The following THSD7A variants were observed in gnomAD, a reference collection of about 807,000 sequenced individuals.
The protein encoded by THSD7A is thrombospondin type 1 domain containing 7A.
Under a neutral mutation model 231.3 loss-of-function variants are expected in THSD7A, and 96 were observed. The ratio of observed to expected loss-of-function variants is 0.41; its 90% CI spans 0.35 to 0.49. The LOEUF (loss-of-function observed/expected upper bound fraction) is 0.49. Among genes scored for constraint, THSD7A ranks in the 20% least tolerant of loss-of-function variants. The pLI is 0.05. For synonymous variants in THSD7A, 940 were observed against 743.3 expected (o/e 1.26, Z -4.30); for missense variants, 2,290 against 2,070.2 (o/e 1.11, Z -2.06).
At chr7:11,499,035 G>A (rs754636638) in intron 6 of THSD7A, among the ~76,000 whole-genome samples, 1 of 152,160 alleles carries the variant, frequency 6.6e-6, no homozygotes, top group African/African-American at 2.4e-5. Context: ...GCCTCCAGGG[G>A]CAAATGAAAG....
rs374390277 is a variant in THSD7A, at chr7:11,541,572, C to T, written c.1669G>A (p.Gly557Arg). 296 of 1,613,956 alleles carry T rather than the reference C, an allele frequency of 1.8e-4. No individual in the cohort carries two copies. In the African/African-American group the frequency reaches 1.9e-3, roughly 10 times the overall value. ...GCTTCCAGTAAGTGAGGGCAGTTTCCGGTTACCCCAGAGCCTCCAGTGGGC... is the reference window on the plus strand; with the variant it reads ...GCTTCCAGTAAGTGAGGGCAGTTTCTGGTTACCCCAGAGCCTCCAGTGGGC... ...NEPTGGSGVT[G>R]NCPHLLEAIP... is the part of the protein sequence containing the mutation. The change falls in exon 6 of 28, where the codon GGA (glycine) becomes AGA (arginine). Residue 557 changes from glycine to arginine, a missense_variant. Physicochemically the swap from Gly to Arg is moderately radical, Grantham distance 125. Transcript: ENST00000423059.
In THSD7A at chr7:11,474,717, G is replaced by C. The variant is rs1786085776; in HGVS notation, c.2018-149C>G. On this transcript the variant is annotated intron_variant, in intron 7 of 27. Coordinates refer to ENST00000423059, the MANE Select transcript of THSD7A (RefSeq NM_015204.3). This position sits in a 1 kb window ranked among gnomAD's most constrained non-coding sequence, Gnocchi z 4.1. ...ATAAATACACGCAATATTTATGTGA[G>C]ATGCTTCAAGGGATACCTACAGGGG... 1 of 630,894 alleles carries C rather than the reference G, an allele frequency of 1.6e-6. No homozygotes were observed. Among genetic ancestry groups the C allele is most frequent in the Admixed American group, 3.1e-5 (1 of 32,300 alleles). 39.1% of individuals were successfully genotyped at this position (630,894 alleles called of 1,614,324 possible).
At chr7:11,626,084 C>G (rs1237420187) in intron 2 of THSD7A, among the ~76,000 whole-genome samples, 3 of 152,078 alleles carry the variant, frequency 2.0e-5, no homozygotes, top group Non-Finnish European at 2.9e-5. Flanking sequence ...TAGGCAGTGA[C>G]ATATATTATC....
intron 1 of THSD7A, among the ~76,000 whole-genome samples, chr7:11,783,242 G>A (rs535174534): frequency 1.2e-4 from 18 of 152,242 alleles, no homozygotes; most frequent in African/African-American, 4.3e-4. Flanking sequence ...AAAAATCATA[G>A]CGTAGCTAAC....
intron 1 of THSD7A, among the ~76,000 whole-genome samples, chr7:11,790,826 A>G (rs2128177913): frequency 6.6e-6 from 1 of 152,138 alleles, no homozygotes; most frequent in Admixed American, 6.6e-5. Context: ...TAGTGAGGCA[A>G]CAGGTTATTT....
chr7:11,686,377 A>G (rs1220796126), intron 1 of THSD7A, among the ~76,000 whole-genome samples: 3 of 151,926 alleles, frequency 2.0e-5, no homozygotes, highest in Non-Finnish European at 4.4e-5. Context: ...AACATAAAAT[A>G]ATGCTATTTA....
intron 1 of THSD7A, among the ~76,000 whole-genome samples, chr7:11,639,478 A>G (rs113046432): frequency 0.15 from 22,494 of 151,862 alleles, 1,772 homozygotes; most frequent in Admixed American, 0.2. Flanking sequence ...GACCATCCTG[A>G]CTAACACAGT....
intron 6 of THSD7A, among the ~76,000 whole-genome samples, chr7:11,525,074 C>A (rs539191881): frequency 2.6e-5 from 4 of 152,184 alleles, no homozygotes; most frequent in African/African-American, 9.6e-5. Flanking sequence ...TTCTATTGAC[C>A]AAAGCTACAT....
At chr7:11,557,750 TG>T (rs1384378607) in intron 4 of THSD7A, among the ~76,000 whole-genome samples, 1 of 152,156 alleles carries the variant, frequency 6.6e-6, no homozygotes, top group East Asian at 1.9e-4. Flanking sequence ...GTGTACTGGT[TG>T]CCTAATTGTC....
intron 11 of THSD7A, among the ~76,000 whole-genome samples, chr7:11,456,815 A>T (rs2128297076): frequency 6.6e-6 from 1 of 152,124 alleles, no homozygotes; most frequent in African/African-American, 2.4e-5. Flanking sequence ...GATTTAGCTC[A>T]CAGGCCATAT....
intron 4 of THSD7A, among the ~76,000 whole-genome samples, chr7:11,559,032 C>T (rs1325803514): frequency 6.6e-6 from 1 of 152,132 alleles, no homozygotes; most frequent in African/African-American, 2.4e-5. Flanking sequence ...TATGCCATTG[C>T]TGGCTTTGGG....
chr7:11,689,367 G>A lies in THSD7A; in HGVS notation c.191-52406C>T, dbSNP rs117789655. On this transcript the variant is annotated intron_variant, in intron 1 of 27. Coordinates refer to ENST00000423059, the MANE Select transcript of THSD7A (RefSeq NM_015204.3). ...TGAAATAGAGAAGTAATTTTTACTGGAACAGAATTTTGACTTTGAACAACT... is the reference window on the plus strand; with the variant it reads ...TGAAATAGAGAAGTAATTTTTACTGAAACAGAATTTTGACTTTGAACAACT... Among the ~76,000 whole-genome samples, 579 of 151,852 alleles carry A rather than the reference G, an allele frequency of 3.8e-3. 3 individuals are homozygous for A. Among genetic ancestry groups the A allele is most frequent in the Admixed American group, 0.012 (180 of 15,198 alleles).
intron 6 of THSD7A, among the ~76,000 whole-genome samples, chr7:11,517,769 C>A (rs1312615602): frequency 6.6e-6 from 1 of 152,212 alleles, no homozygotes; most frequent in African/African-American, 2.4e-5. Context: ...CTTATGAAAA[C>A]TGACAGACAT....
chr7:11,620,820 A>G (rs899553780), intron 2 of THSD7A, among the ~76,000 whole-genome samples: 3 of 152,214 alleles, frequency 2.0e-5, no homozygotes, highest in African/African-American at 7.2e-5. Flanking sequence ...TTCAATCTGT[A>G]CTTTTCCATC....
At chr7:11,477,523 T>C (rs1225552622) in intron 7 of THSD7A, among the ~76,000 whole-genome samples, 5 of 152,198 alleles carry the variant, frequency 3.3e-5, no homozygotes, top group Non-Finnish European at 1.5e-5. Flanking sequence ...TTTAATGAGA[T>C]TGAATTTATT....
chr7:11,677,083 A>G lies in THSD7A; in HGVS notation c.191-40122T>C, dbSNP rs116588320. ...CATTGGATCTCTCTGCAGAAATCCT[A>G]CAAGCTAGAAGAGAGTGGAGGCTAA... On this transcript the variant is annotated intron_variant, in intron 1 of 27. Transcript: ENST00000423059. Among the ~76,000 whole-genome samples, 1,499 of 152,274 alleles carry G rather than the reference A, an allele frequency of 9.8e-3. 27 individuals carry two copies. The highest frequency in any genetic ancestry group is 0.034 in the African/African-American group (1,422 of 41,514).
intron 1 of THSD7A, among the ~76,000 whole-genome samples, chr7:11,758,949 G>A (rs1336397923): frequency 6.6e-5 from 10 of 152,052 alleles, no homozygotes; most frequent in Non-Finnish European, 1.5e-4. Context: ...TGTTCTGCAG[G>A]CTGTAGTTTG....
intron 4 of THSD7A, among the ~76,000 whole-genome samples, chr7:11,552,512 A>G (rs1789673882): frequency 1.3e-5 from 2 of 152,156 alleles, no homozygotes; most frequent in Non-Finnish European, 2.9e-5. Context: ...AATGTGATAA[A>G]TAAAGGCTCA....
intron 2 of THSD7A, among the ~76,000 whole-genome samples, chr7:11,631,575 G>C (rs1012557091): frequency 1.3e-5 from 2 of 152,068 alleles, no homozygotes; most frequent in African/African-American, 4.8e-5. Flanking sequence ...TTTATAGATA[G>C]TAAAGGGCTG....
Sources: gnomAD v4.1 joint callset for allele counts (sites outside exome capture counted in the v4.1 genomes callset) on GRCh38, gnomAD v4.1.1 for gene constraint, Gnocchi (gnomAD v3.1) non-coding constraint, MANE v1.5 for transcripts, NCBI Gene and HGNC (gene_info 2026-07-23, HGNC 2026-07-21) for gene names.